MORF4L1: variants seen among roughly 807,000 people sequenced by gnomAD.
The protein encoded by MORF4L1 is mortality factor 4-like protein 1.
In MORF4L1, 4 loss-of-function variants were observed where a neutral mutation model predicts 52.9. That is an observed-to-expected ratio of 0.08 (90% CI 0.04 to 0.17). MORF4L1 has a LOEUF of 0.17. MORF4L1 is among the 10% of genes least tolerant of loss of function. MORF4L1 has a pLI of 1.00. For missense variants in MORF4L1, 214 were observed against 390.4 expected (o/e 0.55, Z 3.81); for synonymous variants, 123 against 134.8 (o/e 0.91, Z 0.61).
At chr15:78,873,084 C>G in intron 1 of MORF4L1, 27 bp downstream of exon 1, 1 of 1,550,322 alleles carries the variant, frequency 6.5e-7, no homozygotes, top group Non-Finnish European at 8.7e-7. Flanking sequence ...GGGAAAAAGG[C>G]ACCTAACGGC....
chr15:78,894,297 T>C, intron 10 of MORF4L1, 67 bp downstream of exon 10: 1 of 1,285,432 alleles, frequency 7.8e-7, no homozygotes, highest in African/African-American at 1.5e-5. Flanking sequence ...GAATAAGAGG[T>C]AAAGTAATTA....
At chr15:78,888,701 C>G (rs2056748636) in intron 5 of MORF4L1, among the ~76,000 whole-genome samples, 1 of 152,030 alleles carries the variant, frequency 6.6e-6, no homozygotes, top group African/African-American at 2.4e-5. Context: ...GTGATTGCAC[C>G]ACTGCGCTCC....
chr15:78,885,004 A>G (rs749808961), intron 3 of MORF4L1: 1 of 1,614,064 alleles, frequency 6.2e-7, no homozygotes, highest in Non-Finnish European at 8.5e-7. Context: ...AAAATCTTTG[A>G]AGACACATGA....
intron 8 of MORF4L1, chr15:78,892,547 A>AT (rs2056819383): frequency 2.7e-6 from 1 of 364,156 alleles, no homozygotes; most frequent in African/African-American, 2.1e-5. Context: ...GAAATAACTC[A>AT]TTTTTGGAGA....
intron 8 of MORF4L1, 83 bp downstream of exon 8, chr15:78,892,396 T>C: frequency 1.2e-6 from 1 of 849,062 alleles, no homozygotes; most frequent in Non-Finnish European, 1.9e-6. Context: ...AAATGTTATA[T>C]TGACTTGAAT....
chr15:78,886,105 A>G (rs2056698610), intron 3 of MORF4L1, 36 bp from the exon 4 acceptor site: 1 of 1,518,828 alleles, frequency 6.6e-7, no homozygotes, highest in Non-Finnish European at 9.1e-7. Context: ...AGAACAGAGT[A>G]TTTTTGAGTT....
chr15:78,873,846 G>C (rs1455040820), intron 1 of MORF4L1: 1 of 152,288 alleles, frequency 6.6e-6, no homozygotes, highest in Admixed American at 6.5e-5. Context: ...TAATGTGAGT[G>C]AGCTCTCGCT....
At chr15:78,875,097 G>A (rs1460821598) in intron 1 of MORF4L1, among the ~76,000 whole-genome samples, 1 of 152,132 alleles carries the variant, frequency 6.6e-6, no homozygotes, top group Non-Finnish European at 1.5e-5. Context: ...GTCATAGAAC[G>A]TGACATTTAA....
At chr15:78,873,137 C>T (rs935751358) in intron 1 of MORF4L1, 80 bp downstream of exon 1, 5 of 1,543,384 alleles carry the variant, frequency 3.2e-6, no homozygotes, top group South Asian at 1.2e-5. Context: ...GGCTTGAGGG[C>T]CGGGGGCGGC....
chr15:78,874,006 TTTC>T (rs1472337738), intron 1 of MORF4L1: 2 of 152,238 alleles, frequency 1.3e-5, no homozygotes, highest in African/African-American at 2.4e-5. Context: ...GAAAGTTGAA[TTTC>T]TTTTTATTAA....
intron 1 of MORF4L1, chr15:78,876,572 A>G (rs545860183): frequency 6.9e-4 from 314 of 456,000 alleles, no homozygotes; most frequent in Non-Finnish European, 1.0e-3. Context: ...AGTAGCAGCC[A>G]AGGGGAGAAA....
At position 78,893,950 on chromosome 15, in the gene MORF4L1, T is replaced by C. The variant is rs2056841879; in HGVS notation, c.630-108T>C. On this transcript the variant is annotated intron_variant, in intron 9 of 11. Coordinates refer to ENST00000426013, the MANE Select transcript of MORF4L1 (RefSeq NM_006791.4). Reference sequence around the variant, plus strand: ...ATGCCCTTTAAAAAAATCTCAGCTATGGTTCATTATTACTAGCTCAGCTTT... The same window carrying C: ...ATGCCCTTTAAAAAAATCTCAGCTACGGTTCATTATTACTAGCTCAGCTTT... The C allele has an allele frequency of 2.1e-5, 23 of 1,090,994 alleles. 1 individual carries two copies. The South Asian group carries it at 3.7e-4, about 18-fold the overall frequency. The allele number at this position is 1,090,994 out of a possible 1,614,324, so 67.6% of individuals were successfully genotyped here.
At chr15:78,879,773 CAAA>C (rs10664763) in intron 2 of MORF4L1, among the ~76,000 whole-genome samples, 3 of 124,636 alleles carry the variant, frequency 2.4e-5, no homozygotes, top group African/African-American at 2.9e-5. Context: ...CTGTCTCTAC[CAAA>C]AAAAAAAAAA....
intron 3 of MORF4L1, among the ~76,000 whole-genome samples, chr15:78,885,388 C>G (rs756736956): frequency 2.2e-4 from 33 of 152,288 alleles, no homozygotes; most frequent in Admixed American, 7.8e-4. Flanking sequence ...TTTGAACAAG[C>G]TCTTTGAAGT....
intron 10 of MORF4L1, chr15:78,894,555 GCAC>G (rs2056853669): frequency 6.9e-6 from 3 of 436,442 alleles, no homozygotes; most frequent in African/African-American, 2.0e-5. Flanking sequence ...TCACAGGTGT[GCAC>G]CACCACATCT....
At chr15:78,881,808 T>G (rs563302975) in intron 3 of MORF4L1, among the ~76,000 whole-genome samples, 1 of 152,366 alleles carries the variant, frequency 6.6e-6, no homozygotes, top group South Asian at 2.1e-4. Context: ...TGTCCTCTAG[T>G]AACTTAAGGC....
At chr15:78,875,788 A>G (rs985188988) in intron 1 of MORF4L1, among the ~76,000 whole-genome samples, 1 of 15,186 alleles carries the variant, frequency 6.6e-5, no homozygotes, top group Non-Finnish European at 8.4e-4. Flanking sequence ...TCCATTTCAA[A>G]AAAAAAAAAA....
At chr15:78,883,781 G>A (rs2056644333) in intron 3 of MORF4L1, among the ~76,000 whole-genome samples, 1 of 152,182 alleles carries the variant, frequency 6.6e-6, no homozygotes, top group South Asian at 2.1e-4. Flanking sequence ...AGTCTTTAAA[G>A]AAACCTTTAA....
At position 78,897,382 on chromosome 15, in the gene MORF4L1, A is replaced by C; in HGVS notation, c.*315A>C. On this transcript the variant is annotated 3_prime_UTR_variant, in exon 12 of 12. Coordinates refer to ENST00000426013, the MANE Select transcript of MORF4L1 (RefSeq NM_006791.4). ...TGGTTCTATTCCTTTGACACTACGC[A>C]CTTTTATAATACATGTTAATGCTAT... 1 of 239,982 alleles carries C rather than the reference A, an allele frequency of 4.2e-6. No individual in the cohort carries two copies. The highest frequency in any genetic ancestry group is 9.0e-5 in the East Asian group (1 of 11,164). The allele number at this position is 239,982 out of a possible 1,614,324, so 14.9% of individuals were successfully genotyped here.
Sources: allele counts gnomAD v4.1 joint callset (sites outside exome capture counted in the v4.1 genomes callset), GRCh38; gene constraint gnomAD v4.1.1; transcripts MANE v1.5; gene names NCBI Gene and HGNC (gene_info 2026-07-23, HGNC 2026-07-21).